Variants in PRRC2C observed in about 807,000 individuals in gnomAD.
The protein encoded by PRRC2C is proline rich coiled-coil 2C, also known as protein PRRC2C.
A neutral mutation model predicts 317.2 loss-of-function variants in PRRC2C; 72 were observed. The observed-to-expected ratio is 0.23, with a 90% CI of 0.19 to 0.28. The LOEUF (loss-of-function observed/expected upper bound fraction) is 0.28. Among genes scored for constraint, PRRC2C ranks in the 10% least tolerant of loss-of-function variants. PRRC2C has a pLI of 1.00. For synonymous variants in PRRC2C, 1,296 were observed against 1,205.9 expected (o/e 1.07, Z -1.55); for missense variants, 3,074 against 3,459.7 (o/e 0.89, Z 2.80).
chr1:171,563,646 C>T (rs1683100071), intron 20 of PRRC2C, among the ~76,000 whole-genome samples: 2 of 152,080 alleles, frequency 1.3e-5, no homozygotes, highest in African/African-American at 4.8e-5. Flanking sequence ...AGAAGTCTTC[C>T]TGCTACTTCT....
At chr1:171,494,665 A>G (rs149628463) in intron 1 of PRRC2C, among the ~76,000 whole-genome samples, 73 of 152,202 alleles carry the variant, frequency 4.8e-4, no homozygotes, top group African/African-American at 1.5e-3. Flanking sequence ...TTCACAAAGC[A>G]TATGTCCTAA....
Position 171,575,066 on chromosome 1 carries a change from T to C in PRRC2C, c.6893T>C (p.Phe2298Ser), listed in dbSNP as rs1202599673. 1 of 1,613,786 alleles carries C rather than the reference T, an allele frequency of 6.2e-7. No individual in the cohort carries two copies. Among genetic ancestry groups the C allele is most frequent in the Non-Finnish European group, 8.5e-7 (1 of 1,179,856 alleles). Residue 2298 changes from phenylalanine (F) to serine (S), a missense_variant, in exon 25 of 35, where the codon TTC (phenylalanine) becomes TCC (serine). Physicochemically the swap from Phe to Ser is radical, Grantham distance 155 (BLOSUM62 -2). Around this residue, in one of 11 missense-constraint regions of PRRC2C, gnomAD observed 490 missense variants for 663.1 expected, o/e 0.74. Coordinates refer to ENST00000647382, the MANE Select transcript of PRRC2C (RefSeq NM_001387844.1). ...SGPSTANYNS[F>S]SSASMPQIPV... is the part of the protein sequence containing the mutation. ...CCAAGCACTGCTAATTACAATTCGTTCTCAAGTGCATCCATGCCCCAGATT... is the reference window on the plus strand; with the variant it reads ...CCAAGCACTGCTAATTACAATTCGTCCTCAAGTGCATCCATGCCCCAGATT...
In PRRC2C at chr1:171,540,981, A is replaced by G. The variant is rs756069271; in HGVS notation, c.3515A>G (p.Tyr1172Cys). ...KKESTLPPRT[Y>C]WKEARERDWF... Reference sequence around the variant, plus strand: ...GAATCAACTTTGCCTCCCAGGACCTATTGGAAAGAAGCTAGAGAGAGAGAT... The same window carrying G: ...GAATCAACTTTGCCTCCCAGGACCTGTTGGAAAGAAGCTAGAGAGAGAGAT... Residue 1172 changes from tyrosine (Y) to cysteine (C), a missense_variant, in exon 16 of 35, where the codon TAT (tyrosine) becomes TGT (cysteine). By Grantham distance (194) the Tyr-to-Cys change is radical. Coordinates refer to ENST00000647382, the MANE Select transcript of PRRC2C (RefSeq NM_001387844.1). 3.1e-6 allele frequency: 5 copies of G among 1,613,982 alleles called. No individual in the cohort carries two copies. The highest frequency in any genetic ancestry group is 2.2e-5 in the East Asian group (1 of 44,882).
Position 171,532,431 on chromosome 1 carries a change from A to G in PRRC2C, c.1343A>G (p.Lys448Arg). 1 of 1,614,000 alleles carries G rather than the reference A, an allele frequency of 6.2e-7. No homozygotes were observed. Among genetic ancestry groups the G allele is most frequent in the South Asian group, 1.1e-5 (1 of 91,060 alleles). Residue 448 changes from lysine (K) to arginine (R), a missense_variant, in exon 12 of 35, where the codon AAG becomes AGG. Coordinates refer to ENST00000647382, the MANE Select transcript of PRRC2C (RefSeq NM_001387844.1). ...GTAGCTGATGAAGATGAAATATGGA[A>G]GCAAAGACGAAGACAACAATCAGAA... ...QQVADEDEIW[K>R]QRRRQQSEIS...
intron 17 of PRRC2C, among the ~76,000 whole-genome samples, chr1:171,547,633 C>CTTT (rs35480518): frequency 4.9e-4 from 64 of 129,780 alleles, no homozygotes; most frequent in Middle Eastern, 4.5e-3. Flanking sequence ...AGTTTCCCTT[C>CTTT]TTTTTTTTTT....
At chr1:171,576,502 C>T (rs991359465) in intron 25 of PRRC2C, among the ~76,000 whole-genome samples, 11 of 152,190 alleles carry the variant, frequency 7.2e-5, no homozygotes, top group Non-Finnish European at 1.5e-4. Context: ...CCAGTATTGA[C>T]ATTTTGGGCT....
intron 17 of PRRC2C, 29 bp from the exon 18 acceptor site, chr1:171,550,057 A>AT: frequency 6.6e-7 from 1 of 1,523,266 alleles, no homozygotes; most frequent in Non-Finnish European, 8.8e-7. Flanking sequence ...AAAACAGAAA[A>AT]TATCTTAAAT....
Position 171,571,312 on chromosome 1 carries a change from CT to C in PRRC2C, c.6652-4del. 6.4e-7 allele frequency: 1 copy of C among 1,556,188 alleles called. No homozygotes were observed. Among genetic ancestry groups the C allele is most frequent in the Non-Finnish European group, 8.9e-7 (1 of 1,128,154 alleles). On this transcript the variant is annotated splice_region_variant and splice_polypyrimidine_tract_variant and intron_variant, in intron 23 of 34. Transcript: ENST00000647382. ...TTAGATTGTGATATGTGTTGCCTAC[CT>C]TTTCAGGTGCCCCTGCCCAACACCC...
At chr1:171,505,280 G>A (rs971956325) in intron 1 of PRRC2C, among the ~76,000 whole-genome samples, 2 of 151,876 alleles carry the variant, frequency 1.3e-5, no homozygotes, top group Non-Finnish European at 2.9e-5. Context: ...CACCTGCCTC[G>A]GCCTCCCAAA....
chr1:171,564,538 A>C (rs967889674), intron 20 of PRRC2C, among the ~76,000 whole-genome samples: 26 of 152,322 alleles, frequency 1.7e-4, no homozygotes, highest in Admixed American at 3.9e-4. Context: ...TTTTATTCTA[A>C]TGTGCATCAG....
intron 23 of PRRC2C, among the ~76,000 whole-genome samples, chr1:171,568,911 ATGT>A (rs1684192964): frequency 6.6e-6 from 1 of 152,174 alleles, no homozygotes; most frequent in Non-Finnish European, 1.5e-5. Context: ...ATGTTAAGTC[ATGT>A]TGTAACTTAG....
At chr1:171,523,193 A>G (rs373375572) in intron 7 of PRRC2C, 28 bp from the exon 8 acceptor site, 1 of 1,572,802 alleles carries the variant, frequency 6.4e-7, no homozygotes, top group South Asian at 1.2e-5. Context: ...AAACTTTTGT[A>G]TCTTTTCCAT....
At chr1:171,560,885 G>C in intron 19 of PRRC2C, 133 bp from the exon 20 acceptor site, 1 of 767,448 alleles carries the variant, frequency 1.3e-6, no homozygotes, top group South Asian at 1.5e-5. Context: ...TTGTAAGTCT[G>C]ATTTGAAAAG....
chr1:171,504,884 A>G (rs1366867154), intron 1 of PRRC2C, among the ~76,000 whole-genome samples: 1 of 152,138 alleles, frequency 6.6e-6, no homozygotes, highest in East Asian at 1.9e-4. Context: ...AAAATAATTG[A>G]CATCTTAATA....
chr1:171,587,207 G>A lies in PRRC2C; in HGVS notation c.7954G>A (p.Ala2652Thr), dbSNP rs758909144. The A allele has an allele frequency of 6.2e-7, 1 of 1,601,326 alleles. No homozygotes were observed. The highest frequency in any genetic ancestry group is 1.1e-5 in the South Asian group (1 of 88,502). The change falls in exon 31 of 35, where the codon GCA (alanine) becomes ACA (threonine). Residue 2652 changes from alanine to threonine, a missense_variant. By Grantham distance (58) the Ala-to-Thr change is moderately conservative. Transcript: ENST00000647382. ...IPAGTQHSMIATTGKMSEMEL... is the reference protein window; with the variant it reads ...IPAGTQHSMITTTGKMSEMEL... ...TGCTGGAACACAGCATAGCATGATT[G>A]CAACCACAGGAAAAGTAAGTAAAGA... is the stretch of plus-strand genomic sequence containing the variant.
At chr1:171,577,754 T>A in intron 26 of PRRC2C, 117 bp downstream of exon 26, 1 of 725,420 alleles carries the variant, frequency 1.4e-6, no homozygotes, top group Non-Finnish European at 2.2e-6. Flanking sequence ...TACATTGCTG[T>A]AAATATTTAA....
Position 171,545,590 on chromosome 1 carries a change from T to C in PRRC2C, c.4875T>C (p.Asp1625=), listed in dbSNP as rs1171576181. 3 of 1,611,066 alleles carry C rather than the reference T, an allele frequency of 1.9e-6. No individual in the cohort carries two copies. The highest frequency in any genetic ancestry group is 2.2e-5 in the East Asian group (1 of 44,788). The change falls in exon 17 of 35, where the codon GAT becomes GAC. Residue 1625 remains aspartate, a synonymous_variant. Coordinates refer to ENST00000647382, the MANE Select transcript of PRRC2C (RefSeq NM_001387844.1). ...PNGTGQKNSK[D]STGKKREDPK... ...GTACAGGACAAAAGAACTCCAAAGATTCTACTGGGAAAAAAAGAGAAGACC... is the reference window on the plus strand; with the variant it reads ...GTACAGGACAAAAGAACTCCAAAGACTCTACTGGGAAAAAAAGAGAAGACC...
At chr1:171,577,313 C>G in intron 25 of PRRC2C, 121 bp from the exon 26 acceptor site, 1 of 734,704 alleles carries the variant, frequency 1.4e-6, no homozygotes, top group Non-Finnish European at 2.2e-6. Context: ...TGGCCTGAAG[C>G]AGTATATAAG....
In PRRC2C at chr1:171,589,617, G is replaced by A. The variant is rs1381902066; in HGVS notation, c.8436+12G>A. ...AACAAGACATGAAGGTTAGTACAGTGTTAACAGCCAACAGATCAAGAATCT... is the reference window on the plus strand; with the variant it reads ...AACAAGACATGAAGGTTAGTACAGTATTAACAGCCAACAGATCAAGAATCT... On this transcript the variant is annotated intron_variant, in intron 34 of 34. Transcript: ENST00000647382. 7.8e-7 allele frequency: 1 copy of A among 1,281,004 alleles called. No individual in the cohort carries two copies. The highest frequency in any genetic ancestry group is 1.2e-5 in the South Asian group (1 of 80,866). 79.4% of individuals were successfully genotyped at this position (1,281,004 alleles called of 1,614,324 possible). A position where few individuals can be genotyped will look rare whatever the true frequency, so the allele number is the denominator to read the frequency against.
Sources: allele counts gnomAD v4.1 joint callset (sites outside exome capture counted in the v4.1 genomes callset), GRCh38; gene constraint gnomAD v4.1.1; regional missense constraint gnomAD v4.1.1; transcripts MANE v1.5; gene names NCBI Gene and HGNC (gene_info 2026-07-23, HGNC 2026-07-21).